The following NEK10 variants were observed in gnomAD, a reference collection of about 807,000 sequenced individuals.
NEK10 encodes the protein serine/threonine-protein kinase Nek10.
NEK10 carries 122 observed loss-of-function variants against 159.8 expected under a neutral mutation model. The ratio of observed to expected loss-of-function variants is 0.76; its 90% CI spans 0.66 to 0.89. The LOEUF (loss-of-function observed/expected upper bound fraction) is 0.89. Ranked by LOEUF, NEK10 falls within the 40% of genes least tolerant of loss-of-function variation. The probability of loss-of-function intolerance (pLI) is 0.00; values close to 1 mark genes in which losing one functional copy is unlikely to be tolerated. For missense variants in NEK10, 1,342 were observed against 1,323.1 expected (o/e 1.01, Z -0.22); for synonymous variants, 466 against 457.1 (o/e 1.02, Z -0.25).
At chr3:27,216,055 T>G (rs905325169) in intron 23 of NEK10, among the ~76,000 whole-genome samples, 1 of 152,172 alleles carries the variant, frequency 6.6e-6, no homozygotes, top group Admixed American at 6.5e-5. Flanking sequence ...AAAGTATACC[T>G]TGATTGTACC....
chr3:27,283,400 A>G (rs1218700732), intron 22 of NEK10, among the ~76,000 whole-genome samples: 1 of 151,958 alleles, frequency 6.6e-6, no homozygotes, highest in East Asian at 1.9e-4. Flanking sequence ...ATTTCTGTAG[A>G]TTTTGTTATT....
intron 30 of NEK10, among the ~76,000 whole-genome samples, chr3:27,144,174 C>T (rs922597039): frequency 1.3e-5 from 2 of 152,160 alleles, no homozygotes; most frequent in South Asian, 2.1e-4. Context: ...CATATCACAT[C>T]ACATAAACTG....
chr3:27,247,198 T>A (rs1955162609), intron 23 of NEK10, among the ~76,000 whole-genome samples: 1 of 152,186 alleles, frequency 6.6e-6, no homozygotes, highest in African/African-American at 2.4e-5. Flanking sequence ...CCCTGTCATG[T>A]TCTAGATCTT....
At chr3:27,112,928 C>T (rs1939785440) in intron 35 of NEK10, among the ~76,000 whole-genome samples, 1 of 152,194 alleles carries the variant, frequency 6.6e-6, no homozygotes, top group Non-Finnish European at 1.5e-5. Context: ...AAAAGCATGA[C>T]AGTACCAGCT....
intron 23 of NEK10, among the ~76,000 whole-genome samples, chr3:27,214,223 G>A (rs1012866847): frequency 1.4e-4 from 22 of 152,284 alleles, no homozygotes; most frequent in Middle Eastern, 3.4e-3. Flanking sequence ...TGATGTCTTA[G>A]GTCTCCCTAA....
chr3:27,170,290 G>A (rs535457421), intron 29 of NEK10, among the ~76,000 whole-genome samples: 312 of 152,236 alleles, frequency 2.0e-3, no homozygotes, highest in African/African-American at 7.3e-3. Flanking sequence ...ACCTCAACAG[G>A]TGCCCCAGCC....
chr3:27,139,699 A>T (rs903449091), intron 31 of NEK10, among the ~76,000 whole-genome samples: 2 of 152,126 alleles, frequency 1.3e-5, no homozygotes, highest in Non-Finnish European at 2.9e-5. Context: ...CTTGTACTTA[A>T]CCATGGTCTG....
intron 5 of NEK10, among the ~76,000 whole-genome samples, chr3:27,328,529 C>G (rs2046175731): frequency 6.6e-6 from 1 of 152,136 alleles, no homozygotes; most frequent in African/African-American, 2.4e-5. Context: ...CAAAGAATAG[C>G]AAGGAAGCCA....
intron 5 of NEK10, 59 bp from the exon 6 acceptor site, chr3:27,322,320 A>T: frequency 9.7e-7 from 1 of 1,025,764 alleles, no homozygotes; most frequent in Non-Finnish European, 1.5e-6. Flanking sequence ...GGCAATTCAT[A>T]AAAATGCAAG....
At chr3:27,212,236 G>A (rs1951071770) in intron 23 of NEK10, among the ~76,000 whole-genome samples, 1 of 152,178 alleles carries the variant, frequency 6.6e-6, no homozygotes, top group Admixed American at 6.5e-5. Flanking sequence ...TGTGTTTTAA[G>A]ATTTTTAAGC....
chr3:27,253,401 G>A lies in NEK10; in HGVS notation c.2090+2895C>T, dbSNP rs1251299912. 2.6e-5 allele frequency among the ~76,000 whole-genome samples: 4 copies of A among 152,238 alleles called. No homozygotes were observed. In the East Asian group the frequency reaches 7.7e-4, roughly 29 times the overall value. On this transcript the variant is annotated intron_variant, in intron 23 of 35. Coordinates refer to ENST00000691995, the MANE Select transcript of NEK10 (RefSeq NM_001394966.1). ...CTCTGGAATTGGAGGAAGACATAGA[G>A]ATAAAAAATGGAAACAAGTACCATA... is the stretch of plus-strand genomic sequence containing the variant.
At position 27,201,539 on chromosome 3, in the gene NEK10, G is replaced by A; in HGVS notation, c.2262C>T (p.Tyr754=). Residue 754 remains tyrosine, a synonymous_variant, in exon 25 of 36, where the codon TAC becomes TAT. Coordinates refer to ENST00000691995, the MANE Select transcript of NEK10 (RefSeq NM_001394966.1). ...AVYEPVPEGI[Y]SEKVTDTISR... is the part of the protein sequence containing the mutation. ...TGATGGTGTCTGTTACTTTTTCAGA[G>A]TAGATACCTTCTGGGACTGGTTCAT... The A allele has an allele frequency of 6.2e-7, 1 of 1,614,008 alleles. No homozygotes were observed. Among genetic ancestry groups the A allele is most frequent in the Non-Finnish European group, 8.5e-7 (1 of 1,179,914 alleles).
intron 22 of NEK10, among the ~76,000 whole-genome samples, chr3:27,279,541 A>G (rs2042001280): frequency 6.6e-6 from 1 of 152,216 alleles, no homozygotes; most frequent in Non-Finnish European, 1.5e-5. Flanking sequence ...AGACTAATGG[A>G]CATATTTACA....
chr3:27,298,521 T>C (rs562242226), intron 13 of NEK10, among the ~76,000 whole-genome samples: 4 of 152,240 alleles, frequency 2.6e-5, no homozygotes, highest in African/African-American at 9.6e-5. Context: ...ATAGAGTAAA[T>C]TGGTACCAGT....
intron 6 of NEK10, among the ~76,000 whole-genome samples, chr3:27,321,406 C>G (rs906474656): frequency 6.6e-6 from 1 of 152,208 alleles, no homozygotes; most frequent in Non-Finnish European, 1.5e-5. Context: ...CATGGTGGTT[C>G]ATGCCTGTAA....
At chr3:27,148,409 T>C (rs1247396240) in intron 30 of NEK10, among the ~76,000 whole-genome samples, 2 of 152,182 alleles carry the variant, frequency 1.3e-5, no homozygotes, top group African/African-American at 4.8e-5. Flanking sequence ...CTTACATTTC[T>C]ACACAGGAAT....
intron 12 of NEK10, among the ~76,000 whole-genome samples, chr3:27,303,394 C>T (rs2043983790): frequency 6.6e-6 from 1 of 152,044 alleles, no homozygotes; most frequent in Non-Finnish European, 1.5e-5. Flanking sequence ...GAGGGCAACC[C>T]ATACCTATTA....
chr3:27,155,757 C>T (rs1559525291), intron 30 of NEK10, among the ~76,000 whole-genome samples: 1 of 151,966 alleles, frequency 6.6e-6, no homozygotes, highest in Admixed American at 6.6e-5. Flanking sequence ...CATCAAAATA[C>T]CACCATCATT....
At chr3:27,200,290 T>A (rs1218547555) in intron 25 of NEK10, among the ~76,000 whole-genome samples, 1 of 152,132 alleles carries the variant, frequency 6.6e-6, no homozygotes, top group Non-Finnish European at 1.5e-5. Flanking sequence ...TTATAGTTCA[T>A]CAGAGATGGG....
Sources: gnomAD v4.1 joint callset for allele counts (sites outside exome capture counted in the v4.1 genomes callset) on GRCh38, gnomAD v4.1.1 for gene constraint, MANE v1.5 for transcripts, NCBI Gene and HGNC (gene_info 2026-07-23, HGNC 2026-07-21) for gene names.